Variants in TMF1 observed in about 807,000 individuals in gnomAD.
TMF1 encodes TATA element modulatory factor.
In TMF1, 71 loss-of-function variants were observed where a neutral mutation model predicts 126.5. The observed-to-expected ratio is 0.56, with a 90% CI of 0.46 to 0.68. TMF1 has a LOEUF of 0.68. TMF1 is among the 30% of genes least tolerant of loss of function. TMF1 has a pLI of 0.00. For missense variants in TMF1, 1,259 were observed against 1,253.2 expected (o/e 1.00, Z -0.07); for synonymous variants, 461 against 430.5 (o/e 1.07, Z -0.88).
chr3:69,045,929 G>C (rs894260958), intron 2 of TMF1, among the ~76,000 whole-genome samples: 7 of 151,920 alleles, frequency 4.6e-5, no homozygotes, highest in Admixed American at 4.6e-4. Flanking sequence ...CGTGGTGCGA[G>C]CCTATGGTCC....
At chr3:69,027,081 C>T (rs2091772428) in intron 13 of TMF1, among the ~76,000 whole-genome samples, 2 of 151,974 alleles carry the variant, frequency 1.3e-5, no homozygotes, top group Non-Finnish European at 2.9e-5. Flanking sequence ...CTGCAGCCTC[C>T]GCCTCCCGGG....
rs1167975911 is a variant in TMF1, at chr3:69,027,991, G to A, written c.2666C>T (p.Thr889Ile). The A allele has an allele frequency of 1.3e-6, 2 of 1,522,670 alleles. No individual in the cohort carries two copies. Among genetic ancestry groups the A allele is most frequent in the Non-Finnish European group, 1.8e-6 (2 of 1,104,580 alleles). The allele number at this position is 1,522,670 out of a possible 1,614,324, so 94.3% of individuals were successfully genotyped here. A position where few individuals can be genotyped will look rare whatever the true frequency, so the allele number is the denominator to read the frequency against. ...CATTTCTAACTGACTATTCAACAAT[G>A]TCTAATAGAGAGAAATAAAGTTAGA... ...RTLEETRKEKTLLNSQLEMER... is the reference protein window; with the variant it reads ...RTLEETRKEKILLNSQLEMER... Residue 889 changes from threonine to isoleucine, a missense_variant and splice_region_variant, in exon 13 of 17, where the codon ACA becomes ATA. By Grantham distance (89) the Thr-to-Ile change is moderately conservative (BLOSUM62 -1). Transcript: ENST00000398559.
intron 10 of TMF1, chr3:69,030,319 A>T: frequency 4.7e-6 from 1 of 212,872 alleles, no homozygotes. Flanking sequence ...AAGCCTACAC[A>T]TCACATCATT....
chr3:69,023,016 G>A lies in TMF1; in HGVS notation c.*161C>T. 3 of 486,236 alleles carry A rather than the reference G, an allele frequency of 6.2e-6. No homozygotes were observed. The highest frequency in any genetic ancestry group is 1.1e-3 in the Middle Eastern group (2 of 1,826). 30.1% of individuals were successfully genotyped at this position (486,236 alleles called of 1,614,324 possible). On this transcript the variant is annotated 3_prime_UTR_variant, in exon 17 of 17. Transcript: ENST00000398559. ...AAATATTGCACAAAATAATTTAACT[G>A]TAAATATTACTACATAGTGTAAAAC...
chr3:69,025,012 A>C (rs958360264), intron 15 of TMF1: 3 of 152,110 alleles, frequency 2.0e-5, no homozygotes, highest in African/African-American at 7.2e-5. Context: ...TGACTGCATA[A>C]AGTTTTTTAA....
intron 13 of TMF1, 31 bp downstream of exon 13, chr3:69,027,869 A>G: frequency 8.3e-7 from 1 of 1,203,326 alleles, no homozygotes; most frequent in Non-Finnish European, 1.2e-6. Flanking sequence ...AAATGGTTAC[A>G]CCACAAACAA....
chr3:69,028,913 C>G (rs1404650735), intron 11 of TMF1, among the ~76,000 whole-genome samples: 2 of 152,030 alleles, frequency 1.3e-5, no homozygotes, highest in Non-Finnish European at 2.9e-5. Flanking sequence ...TTTAAAAAAT[C>G]TGATTAAAGG....
In TMF1 at chr3:69,048,112, T is replaced by C. The variant is rs1466337228; in HGVS notation, c.593A>G (p.Glu198Gly). Residue 198 changes from glutamate to glycine, a missense_variant, in exon 2 of 17, where the codon GAA (glutamate) becomes GGA (glycine). Transcript: ENST00000398559. ...KVPTVSLKVS[E>G]SVIDVKTTME... ...AGTTGTTTTCACATCAATTACACTT[T>C]CAGATACTTTCAAACTTACAGTTGG... is the stretch of plus-strand genomic sequence containing the variant. 1 of 1,614,236 alleles carries C rather than the reference T, an allele frequency of 6.2e-7. No homozygotes were observed. Among genetic ancestry groups the C allele is most frequent in the Non-Finnish European group, 8.5e-7 (1 of 1,180,042 alleles).
rs1329922181 is a variant in TMF1 at position 69,022,808 on chromosome 3, T to C, written c.*369A>G. On this transcript the variant is annotated 3_prime_UTR_variant, in exon 17 of 17. Coordinates refer to ENST00000398559, the MANE Select transcript of TMF1 (RefSeq NM_007114.3). ...ACTCTTCAAATGTTCTTAATATATATATAAACACTTACAAATTATAGATAC... is the reference window on the plus strand; with the variant it reads ...ACTCTTCAAATGTTCTTAATATATACATAAACACTTACAAATTATAGATAC... The C allele has an allele frequency of 6.4e-6, 1 of 155,506 alleles. No homozygotes were observed. Among genetic ancestry groups the C allele is most frequent in the Non-Finnish European group, 1.4e-5 (1 of 70,242 alleles). The allele number at this position is 155,506 out of a possible 1,614,324, so 9.6% of individuals were successfully genotyped here.
Position 69,029,736 on chromosome 3 carries a change from C to T in TMF1, c.2594+79G>A, listed in dbSNP as rs557231888. On this transcript the variant is annotated intron_variant, in intron 11 of 16. Transcript: ENST00000398559. ...GATTACAGGCGTGAGCCACGGCGCC[C>T]GGCCCAACAACATACTTTTAAAAAG... 6.9e-5 allele frequency: 95 copies of T among 1,382,132 alleles called. No homozygotes were observed. The African/African-American group carries it at 1.1e-3, about 16-fold the overall frequency. The allele number at this position is 1,382,132 out of a possible 1,614,324, so 85.6% of individuals were successfully genotyped here. A position where few individuals can be genotyped will look rare whatever the true frequency, so the allele number is the denominator to read the frequency against.
chr3:69,027,125 A>G (rs1009458178), intron 13 of TMF1, among the ~76,000 whole-genome samples: 1 of 152,058 alleles, frequency 6.6e-6, no homozygotes, highest in Non-Finnish European at 1.5e-5. Flanking sequence ...CCTCCCGAGT[A>G]GCTGGGATTA....
At chr3:69,029,373 A>C (rs937484808) in intron 11 of TMF1, among the ~76,000 whole-genome samples, 2 of 152,076 alleles carry the variant, frequency 1.3e-5, no homozygotes, top group African/African-American at 2.4e-5. Flanking sequence ...TAAATGCTAA[A>C]AGTGATTACA....
Position 69,022,311 on chromosome 3 carries a change from G to A in TMF1, c.*866C>T, listed in dbSNP as rs2091742910. The A allele has an allele frequency of 2.0e-5, 3 of 152,038 alleles. No individual in the cohort carries two copies. The highest frequency in any genetic ancestry group is 2.1e-4 in the South Asian group (1 of 4,824). 9.4% of individuals were successfully genotyped at this position (152,038 alleles called of 1,614,324 possible). On this transcript the variant is annotated 3_prime_UTR_variant, in exon 17 of 17. Coordinates refer to ENST00000398559, the MANE Select transcript of TMF1 (RefSeq NM_007114.3). ...ATATGGGTTTACAAAATATGAACAG[G>A]TAATTTTTAAAGAGTAAATTATGTT...
chr3:69,047,259 C>T (rs1167277208), intron 2 of TMF1, 99 bp downstream of exon 2: 7 of 1,353,104 alleles, frequency 5.2e-6, no homozygotes, highest in Admixed American at 2.5e-5. Flanking sequence ...GTTTTTAAAT[C>T]TGTATAAATT....
intron 11 of TMF1, among the ~76,000 whole-genome samples, chr3:69,029,051 T>C (rs2091785057): frequency 6.6e-6 from 1 of 151,916 alleles, no homozygotes; most frequent in Non-Finnish European, 1.5e-5. Flanking sequence ...TATTTTTTTT[T>C]TTTTGGAGAC....
intron 10 of TMF1, among the ~76,000 whole-genome samples, chr3:69,032,651 C>T (rs985933795): frequency 4.7e-5 from 7 of 147,394 alleles, no homozygotes; most frequent in Non-Finnish European, 1.0e-4. Context: ...CGCTCTGTCA[C>T]CCAGGCTGGA....
At chr3:69,049,614 G>C (rs2091914928) in intron 1 of TMF1, among the ~76,000 whole-genome samples, 1 of 152,034 alleles carries the variant, frequency 6.6e-6, no homozygotes, top group Non-Finnish European at 1.5e-5. Flanking sequence ...AGAAATGTGT[G>C]TTTTTTTAAG....
chr3:69,030,729 A>C (rs1467764247), intron 10 of TMF1: 1 of 152,232 alleles, frequency 6.6e-6, no homozygotes, highest in East Asian at 1.9e-4. Context: ...TTAAAATCAT[A>C]ATGAGATATC....
Position 69,025,561 on chromosome 3 carries a change from T to A in TMF1, c.3011A>T (p.Gln1004Leu), listed in dbSNP as rs1378271044. ...TAGCAAATTTAATTTTTCCAATACC[T>A]GTAAATGAGTGATTTCCCCTTCCCT... Reference protein sequence around the residue: ...KLREGEITHLQLEIGNLEKTR... With the variant: ...KLREGEITHLLLEIGNLEKTR... The change falls in exon 15 of 17, where the codon CAG becomes CTG. Residue 1004 changes from glutamine (Q) to leucine (L), a missense_variant and splice_region_variant. Coordinates refer to ENST00000398559, the MANE Select transcript of TMF1 (RefSeq NM_007114.3). 1.9e-6 allele frequency: 3 copies of A among 1,610,684 alleles called. No homozygotes were observed.
Sources: gnomAD v4.1 joint callset for allele counts (sites outside exome capture counted in the v4.1 genomes callset) on GRCh38, gnomAD v4.1.1 for gene constraint, MANE v1.5 for transcripts, NCBI Gene and HGNC (gene_info 2026-07-23, HGNC 2026-07-21) for gene names.